Variants in KRTAP10-3 observed in about 807,000 individuals in gnomAD.
KRTAP10-3 encodes the protein keratin associated protein 10-3.
For synonymous variants in KRTAP10-3, 151 were observed against 126.2 expected, an observed-to-expected ratio of 1.20 and a Z score of -1.32; for missense variants, 341 against 293.4, an observed-to-expected ratio of 1.16 and a Z score of -1.19.
Position 44,557,998 on chromosome 21 carries a change from T to C in KRTAP10-3, c.*52A>G. On this transcript the variant is annotated 3_prime_UTR_variant, in exon 1 of 1. Transcript: ENST00000391620. Reference sequence around the variant, plus strand: ...ACAGGGCTCAGGGCTGCAAGGATTTTCGGAAGTCAGAGATGGCCCTGGAAC... The same window carrying C: ...ACAGGGCTCAGGGCTGCAAGGATTTCCGGAAGTCAGAGATGGCCCTGGAAC... 6.4e-7 allele frequency: 1 copy of C among 1,563,468 alleles called. No homozygotes were observed.
chr21:44,558,058 T>C lies in KRTAP10-3; in HGVS notation c.658A>G (p.Ser220Gly). 1 of 1,605,462 alleles carries C rather than the reference T, an allele frequency of 6.2e-7. No individual in the cohort carries two copies. The highest frequency in any genetic ancestry group is 8.5e-7 in the Non-Finnish European group (1 of 1,175,012). The part of the protein sequence containing the change: ...CCGLSSGQKS[S>G]C ...GAAACGGGACCTGCCCGTCAGCAGC[T>C]GGACTTCTGGCCTGAGGAGAGGCCG... is the stretch of plus-strand genomic sequence containing the variant. Residue 220 changes from serine to glycine, a missense_variant, in exon 1 of 1, where the codon AGC becomes GGC. Transcript: ENST00000391620.
chr21:44,557,925 C>G lies in KRTAP10-3; in HGVS notation c.*125G>C. 2 of 1,152,008 alleles carry G rather than the reference C, an allele frequency of 1.7e-6. No homozygotes were observed. Among genetic ancestry groups the G allele is most frequent in the Non-Finnish European group, 2.4e-6 (2 of 819,304 alleles). 71.4% of individuals were successfully genotyped at this position (1,152,008 alleles called of 1,614,324 possible). A position where few individuals can be genotyped will look rare whatever the true frequency, so the allele number is the denominator to read the frequency against. On this transcript the variant is annotated 3_prime_UTR_variant, in exon 1 of 1. Transcript: ENST00000391620. ...CCTGGAGGGAATCGGCATGAAAGCT[C>G]AGCATTGCTGGCTGGAGGTGCAGTG...
chr21:44,558,570 G>A lies in KRTAP10-3; in HGVS notation c.146C>T (p.Pro49Leu). Residue 49 changes from proline (P) to leucine (L), a missense_variant, in exon 1 of 1, where the codon CCA (proline) becomes CTA (leucine). Coordinates refer to ENST00000391620, the MANE Select transcript of KRTAP10-3 (RefSeq NM_198696.3). ...GCAGGGGCTGGACACACAGCTCACTGGGGTGCAGACCAGGGTCAGGCAGGG... is the reference window on the plus strand; with the variant it reads ...GCAGGGGCTGGACACACAGCTCACTAGGGTGCAGACCAGGGTCAGGCAGGG... ...PAPCLTLVCT[P>L]VSCVSSPCCQ... 4 of 1,612,326 alleles carry A rather than the reference G, an allele frequency of 2.5e-6. No individual in the cohort carries two copies. Among genetic ancestry groups the A allele is most frequent in the Non-Finnish European group, 3.4e-6 (4 of 1,179,202 alleles).
chr21:44,558,625 A>C lies in KRTAP10-3; in HGVS notation c.91T>G (p.Cys31Gly), dbSNP rs1347888530. The change falls in exon 1 of 1, where the codon TGC becomes GGC. Residue 31 changes from cysteine (C) to glycine (G), a missense_variant. By Grantham distance (159) the Cys-to-Gly change is radical. Transcript: ENST00000391620. The part of the protein sequence containing the change: ...ACPESCCEPP[C>G]CATSCCAPAP... ...GGGGCGCAGCAGCTGGTGGCGCAGC[A>C]GGGGGGCTCACAGCAGCTCTCTGGG... is the stretch of plus-strand genomic sequence containing the variant. 1 of 1,606,884 alleles carries C rather than the reference A, an allele frequency of 6.2e-7. No homozygotes were observed. The highest frequency in any genetic ancestry group is 1.3e-5 in the African/African-American group (1 of 74,794).
Position 44,558,618 on chromosome 21 carries a change from G to T in KRTAP10-3, c.98C>A (p.Ala33Asp). 5.0e-6 allele frequency: 8 copies of T among 1,606,060 alleles called. No homozygotes were observed. The highest frequency in any genetic ancestry group is 6.8e-6 in the Non-Finnish European group (8 of 1,175,772). The change falls in exon 1 of 1, where the codon GCC (alanine) becomes GAC (aspartate). Residue 33 changes from alanine to aspartate, a missense_variant. Physicochemically the swap from Ala to Asp is moderately radical, Grantham distance 126. Transcript: ENST00000391620. ...GGGGGCCGGGGCGCAGCAGCTGGTG[G>T]CGCAGCAGGGGGGCTCACAGCAGCT... Reference protein sequence around the residue: ...PESCCEPPCCATSCCAPAPCL... With the variant: ...PESCCEPPCCDTSCCAPAPCL...
In KRTAP10-3 at chr21:44,558,599, C is replaced by T. The variant is rs371451976; in HGVS notation, c.117G>A (p.Pro39=). 1.2e-4 allele frequency: 189 copies of T among 1,611,548 alleles called. No individual in the cohort carries two copies. The highest frequency in any genetic ancestry group is 4.2e-4 in the East Asian group (19 of 44,826). ...TGCAGACCAGGGTCAGGCAGGGGGCCGGGGCGCAGCAGCTGGTGGCGCAGC... is the reference window on the plus strand; with the variant it reads ...TGCAGACCAGGGTCAGGCAGGGGGCTGGGGCGCAGCAGCTGGTGGCGCAGC... ...PPCCATSCCA[P]APCLTLVCTP... Residue 39 remains proline (P), a synonymous_variant, in exon 1 of 1, where the codon CCG becomes CCA. Transcript: ENST00000391620.
rs782063518 is a variant in KRTAP10-3, at chr21:44,558,415, C to A, written c.301G>T (p.Val101Leu). The change falls in exon 1 of 1, where the codon GTG becomes TTG. Residue 101 changes from valine (V) to leucine (L), a missense_variant. Val to Leu is a conservative substitution (Grantham distance 32, BLOSUM62 1). Coordinates refer to ENST00000391620, the MANE Select transcript of KRTAP10-3 (RefSeq NM_198696.3). ...TSSPCQQACC[V>L]PVCCKPVCCV... is the part of the protein sequence containing the mutation. ...CAGACTGGCTTGCAGCAGACAGGCA[C>A]GCAGCAGGCCTGCTGGCAGGGGGAG... The A allele has an allele frequency of 1.9e-6, 3 of 1,613,812 alleles. No individual in the cohort carries two copies. The highest frequency in any genetic ancestry group is 2.5e-6 in the Non-Finnish European group (3 of 1,179,868).
At position 44,558,567 on chromosome 21, in the gene KRTAP10-3, A is replaced by C. The variant is rs746946715; in HGVS notation, c.149T>G (p.Val50Gly). The change falls in exon 1 of 1, where the codon GTG becomes GGG. Residue 50 changes from valine to glycine, a missense_variant. Coordinates refer to ENST00000391620, the MANE Select transcript of KRTAP10-3 (RefSeq NM_198696.3). ...APCLTLVCTPVSCVSSPCCQA... is the reference protein window; with the variant it reads ...APCLTLVCTPGSCVSSPCCQA... ...GCAGCAGGGGCTGGACACACAGCTC[A>C]CTGGGGTGCAGACCAGGGTCAGGCA... The C allele has an allele frequency of 4.3e-5, 70 of 1,612,164 alleles. No individual in the cohort carries two copies. Among genetic ancestry groups the C allele is most frequent in the Non-Finnish European group, 5.9e-5 (69 of 1,179,230 alleles).
At position 44,558,748 on chromosome 21, in the gene KRTAP10-3, CGTGAGTGAGTGA is replaced by C; in HGVS notation, c.-45_-34del. ...TGGGGAGGAGGTGAGCTGGGGGAGA[CGTGAGTGAGTGA>C]GTGTGGGAGTGAGTGAGGGAGTGAG... On this transcript the variant is annotated 5_prime_UTR_variant, in exon 1 of 1. Coordinates refer to ENST00000391620, the MANE Select transcript of KRTAP10-3 (RefSeq NM_198696.3). 6.4e-7 allele frequency: 1 copy of C among 1,571,600 alleles called. No individual in the cohort carries two copies. The highest frequency in any genetic ancestry group is 1.2e-5 in the South Asian group (1 of 82,562).
At position 44,558,000 on chromosome 21, in the gene KRTAP10-3, G is replaced by A. The variant is rs373079229; in HGVS notation, c.*50C>T. 2.4e-4 allele frequency: 378 copies of A among 1,563,722 alleles called. No homozygotes were observed. The highest frequency in any genetic ancestry group is 4.0e-4 in the South Asian group (33 of 81,690). ...AGGGCTCAGGGCTGCAAGGATTTTCGGAAGTCAGAGATGGCCCTGGAACAA... is the reference window on the plus strand; with the variant it reads ...AGGGCTCAGGGCTGCAAGGATTTTCAGAAGTCAGAGATGGCCCTGGAACAA... On this transcript the variant is annotated 3_prime_UTR_variant, in exon 1 of 1. Transcript: ENST00000391620.
chr21:44,558,778 G>T lies in KRTAP10-3; in HGVS notation c.-63C>A, dbSNP rs1259172982. 3.2e-6 allele frequency: 5 copies of T among 1,543,520 alleles called. No individual in the cohort carries two copies. Among genetic ancestry groups the T allele is most frequent in the Non-Finnish European group, 3.5e-6 (4 of 1,141,438 alleles). On this transcript the variant is annotated 5_prime_UTR_variant, in exon 1 of 1. Transcript: ENST00000391620. ...GTGAGTGAGTGTGGGAGTGAGTGAG[G>T]GAGTGAGTGAGTGATCGTGCCAGGC...
Position 44,557,911 on chromosome 21 carries a change from T to C in KRTAP10-3, c.*139A>G, listed in dbSNP as rs916465905. The C allele has an allele frequency of 4.0e-6, 4 of 1,011,710 alleles. No homozygotes were observed. The highest frequency in any genetic ancestry group is 5.7e-6 in the Non-Finnish European group (4 of 696,354). The allele number at this position is 1,011,710 out of a possible 1,614,324, so 62.7% of individuals were successfully genotyped here. On this transcript the variant is annotated 3_prime_UTR_variant, in exon 1 of 1. Coordinates refer to ENST00000391620, the MANE Select transcript of KRTAP10-3 (RefSeq NM_198696.3). The stretch of plus-strand genomic sequence containing the variant: ...GGGAGAGATGCATGCCTGGAGGGAA[T>C]CGGCATGAAAGCTCAGCATTGCTGG...
chr21:44,558,582 A>G lies in KRTAP10-3; in HGVS notation c.134T>C (p.Leu45Pro), dbSNP rs2053583261. The change falls in exon 1 of 1, where the codon CTG becomes CCG. Residue 45 changes from leucine (L) to proline (P), a missense_variant. Coordinates refer to ENST00000391620, the MANE Select transcript of KRTAP10-3 (RefSeq NM_198696.3). ...CACACAGCTCACTGGGGTGCAGACC[A>G]GGGTCAGGCAGGGGGCCGGGGCGCA... Reference protein sequence around the residue: ...SCCAPAPCLTLVCTPVSCVSS... With the variant: ...SCCAPAPCLTPVCTPVSCVSS... The G allele has an allele frequency of 6.2e-7, 1 of 1,611,676 alleles. No individual in the cohort carries two copies. The highest frequency in any genetic ancestry group is 8.5e-7 in the Non-Finnish European group (1 of 1,178,926).
In KRTAP10-3 at chr21:44,558,028, C is replaced by A; in HGVS notation, c.*22G>T. The A allele has an allele frequency of 6.3e-7, 1 of 1,587,000 alleles. No individual in the cohort carries two copies. The highest frequency in any genetic ancestry group is 8.6e-7 in the Non-Finnish European group (1 of 1,166,256). ...AGTCAGAGATGGCCCTGGAACAACT[C>A]TGGAGAAACGGGACCTGCCCGTCAG... On this transcript the variant is annotated 3_prime_UTR_variant, in exon 1 of 1. Coordinates refer to ENST00000391620, the MANE Select transcript of KRTAP10-3 (RefSeq NM_198696.3).
In KRTAP10-3 at chr21:44,558,445, T is replaced by C. The variant is rs1555920355; in HGVS notation, c.271A>G (p.Thr91Ala). Residue 91 changes from threonine (T) to alanine (A), a missense_variant, in exon 1 of 1, where the codon ACA becomes GCA. Physicochemically the swap from Thr to Ala is moderately conservative, Grantham distance 58 (BLOSUM62 0). Coordinates refer to ENST00000391620, the MANE Select transcript of KRTAP10-3 (RefSeq NM_198696.3). ...QQSSCQPACCTSSPCQQACCV... is the reference protein window; with the variant it reads ...QQSSCQPACCASSPCQQACCV... The stretch of plus-strand genomic sequence containing the variant: ...CAGGCCTGCTGGCAGGGGGAGGATG[T>C]GCAGCAAGCTGGCTGGCAGCTAGAC... The C allele has an allele frequency of 3.7e-6, 6 of 1,613,842 alleles. No individual in the cohort carries two copies. Among genetic ancestry groups the C allele is most frequent in the Non-Finnish European group, 5.1e-6 (6 of 1,179,932 alleles).
Position 44,558,175 on chromosome 21 carries a change from C to T in KRTAP10-3, c.541G>A (p.Ala181Thr), listed in dbSNP as rs587750691. The T allele has an allele frequency of 1.7e-4, 256 of 1,542,912 alleles. No homozygotes were observed. The highest frequency in any genetic ancestry group is 5.2e-4 in the Middle Eastern group (3 of 5,794). ...CVPIPSCCAP[A>T]STCQPSCCRP... ...CAGCAGCTGGGCTGGCAGGTGGAGG[C>T]AGGGGCACAGCAGGAGGGGATGGGC... Residue 181 changes from alanine (A) to threonine (T), a missense_variant, in exon 1 of 1, where the codon GCC becomes ACC. By Grantham distance (58) the Ala-to-Thr change is moderately conservative. Transcript: ENST00000391620.
Position 44,558,304 on chromosome 21 carries a change from G to A in KRTAP10-3, c.412C>T (p.Gln138Ter). Residue 138 changes from glutamine (Q) to a stop codon, truncating the protein, a stop_gained, in exon 1 of 1, where the codon CAG (glutamine) becomes TAG (stop). Coordinates refer to ENST00000391620, the MANE Select transcript of KRTAP10-3 (RefSeq NM_198696.3). LOFTEE classifies it low-confidence loss of function (END_TRUNC). ...CAAGCCGGCTGGCGGCTAGACTGCT[G>A]GCAGCATGAAGAGGAAGCCCCAGAG... ...VCSGASSSCC[Q>*]QSSRQPACCT... 6.2e-7 allele frequency: 1 copy of A among 1,614,114 alleles called. No individual in the cohort carries two copies. The highest frequency in any genetic ancestry group is 2.2e-5 in the East Asian group (1 of 44,866).
Position 44,558,271 on chromosome 21 carries a change from T to A in KRTAP10-3, c.445A>T (p.Thr149Ser). Residue 149 changes from threonine (T) to serine (S), a missense_variant, in exon 1 of 1, where the codon ACC (threonine) becomes TCC (serine). Coordinates refer to ENST00000391620, the MANE Select transcript of KRTAP10-3 (RefSeq NM_198696.3). ...QSSRQPACCT[T>S]SCCRPSSSVS... ...GAGGAGGAGGGTCTGCAGCAGGAGG[T>A]GGTGCAGCAAGCCGGCTGGCGGCTA... The A allele has an allele frequency of 1.2e-6, 2 of 1,612,940 alleles. No homozygotes were observed. The highest frequency in any genetic ancestry group is 1.3e-5 in the African/African-American group (1 of 74,580).
chr21:44,558,404 G>A lies in KRTAP10-3; in HGVS notation c.312C>T (p.Cys104=), dbSNP rs782339891. ...CGGGCACACAGCAGACTGGCTTGCA[G>A]CAGACAGGCACGCAGCAGGCCTGCT... is the stretch of plus-strand genomic sequence containing the variant. ...PCQQACCVPV[C]CKPVCCVPVC... The change falls in exon 1 of 1, where the codon TGC becomes TGT. Residue 104 remains cysteine (C), a synonymous_variant. Transcript: ENST00000391620. 6.2e-7 allele frequency: 1 copy of A among 1,613,682 alleles called. No individual in the cohort carries two copies. Among genetic ancestry groups the A allele is most frequent in the Non-Finnish European group, 8.5e-7 (1 of 1,179,874 alleles).
Sources: allele counts gnomAD v4.1 joint callset, GRCh38; gene constraint gnomAD v4.1.1; transcripts MANE v1.5; gene names NCBI Gene and HGNC (gene_info 2026-07-23, HGNC 2026-07-21).